SAMD5: variants seen among roughly 807,000 people sequenced by gnomAD.
SAMD5 encodes the protein sterile alpha motif domain-containing protein 5.
In SAMD5, 13 loss-of-function variants were observed where a neutral mutation model predicts 11.3. That is an observed-to-expected ratio of 1.15 (90% CI 0.75 to 1.83). The LOEUF is 1.83. Among genes scored for constraint, SAMD5 ranks in the 40% most tolerant of loss-of-function variants. The pLI is 0.00. For missense variants in SAMD5, 255 were observed against 239.1 expected (o/e 1.07, Z -0.44); for synonymous variants, 129 against 111.3 (o/e 1.16, Z -1.00).
At chr6:147,574,571 C>T (rs1232106267), downstream of SAMD5, among the ~76,000 whole-genome samples, 8 of 152,146 alleles carry the variant, frequency 5.3e-5, no homozygotes, top group African/African-American at 1.9e-4. Flanking sequence ...CTGATTTGTG[C>T]TGCTATAACA....
intron 1 of SAMD5, among the ~76,000 whole-genome samples, chr6:147,591,084 A>G (rs192042614): frequency 1.7e-4 from 26 of 152,214 alleles, no homozygotes; most frequent in African/African-American, 6.0e-4. Context: ...CAATAGACAG[A>G]AAAAATTACT....
chr6:147,796,974 C>T, the SAMD5 span, among the ~76,000 whole-genome samples: 1 of 145,518 alleles, frequency 6.9e-6, no homozygotes, highest in Non-Finnish European at 1.5e-5. Flanking sequence ...TGGGCTGAGA[C>T]AATGGGGTTT....
At chr6:147,826,249 AG>A in the SAMD5 span, among the ~76,000 whole-genome samples, 2 of 152,256 alleles carry the variant, frequency 1.3e-5, no homozygotes, top group Admixed American at 1.3e-4. Flanking sequence ...TATTGAGTTT[AG>A]TAGTCACAAT....
chr6:147,736,701 A>AT (rs1791809248), intron 1 of SAMD5, among the ~76,000 whole-genome samples: 4 of 152,154 alleles, frequency 2.6e-5, no homozygotes, highest in South Asian at 4.1e-4. Flanking sequence ...AAATTTTGAT[A>AT]TTTTGACCAA....
chr6:147,544,777 C>G (rs771621602), intron 1 of SAMD5, among the ~76,000 whole-genome samples: 1 of 151,954 alleles, frequency 6.6e-6, no homozygotes, highest in Non-Finnish European at 1.5e-5. Flanking sequence ...AAATCCTGAG[C>G]GAATAAGAAA....
At chr6:147,888,036 A>G in the SAMD5 span, among the ~76,000 whole-genome samples, 1 of 152,148 alleles carries the variant, frequency 6.6e-6, no homozygotes, top group Non-Finnish European at 1.5e-5. Flanking sequence ...AGAGTTTTTT[A>G]TATAGTCCAG....
At chr6:147,562,758 C>T (rs977434807) in intron 1 of SAMD5, among the ~76,000 whole-genome samples, 6 of 151,910 alleles carry the variant, frequency 3.9e-5, no homozygotes, top group African/African-American at 1.2e-4. Flanking sequence ...GGAGGCGGAG[C>T]TTGCAGTGAG....
At chr6:147,879,517 G>A in the SAMD5 span, among the ~76,000 whole-genome samples, 2 of 152,198 alleles carry the variant, frequency 1.3e-5, no homozygotes, top group African/African-American at 4.8e-5. Context: ...TTTCAAAGGT[G>A]CCAATTACAG....
At chr6:147,861,326 G>A in the SAMD5 span, among the ~76,000 whole-genome samples, 63 of 151,982 alleles carry the variant, frequency 4.1e-4, no homozygotes, top group Non-Finnish European at 7.1e-4. Context: ...CACCCTGCCC[G>A]GCTAATTTTT....
chr6:147,646,226 A>G (rs1029166639), intron 1 of SAMD5, among the ~76,000 whole-genome samples: 18 of 152,142 alleles, frequency 1.2e-4, no homozygotes, highest in Non-Finnish European at 2.2e-4. Flanking sequence ...CTTACTGATA[A>G]CATGAGTAGT....
At position 147,558,006 on chromosome 6, in the gene SAMD5, G is replaced by A. The variant is rs140027609; in HGVS notation, c.460-6388G>A. On this transcript the variant is annotated intron_variant, in intron 1 of 1. Transcript: ENST00000367474. ...TTCACATCACAGTCCCTGGGAGGTA[G>A]GCACAGAGGGAGTTCACTCAGTAAA... Among the ~76,000 whole-genome samples the A allele has an allele frequency of 2.0e-4, 30 of 152,338 alleles. No individual in the cohort carries two copies. The East Asian group carries it at 5.4e-3, about 27-fold the overall frequency.
chr6:147,837,785 G>A, the SAMD5 span, among the ~76,000 whole-genome samples: 1 of 152,128 alleles, frequency 6.6e-6, no homozygotes, highest in Admixed American at 6.5e-5. Flanking sequence ...CCTTGGAGTA[G>A]GGTTTTCTTT....
intron 1 of SAMD5, among the ~76,000 whole-genome samples, chr6:147,686,564 T>C (rs1213628171): frequency 6.6e-6 from 1 of 152,226 alleles, no homozygotes; most frequent in African/African-American, 2.4e-5. Context: ...TACCAGTACA[T>C]GGTATAAGTC....
At chr6:147,752,653 G>T in the SAMD5 span, among the ~76,000 whole-genome samples, 1 of 152,072 alleles carries the variant, frequency 6.6e-6, no homozygotes, top group African/African-American at 2.4e-5. Context: ...CTGCATAATA[G>T]CCTCTAATTA....
chr6:147,940,672 T>C, the SAMD5 span, among the ~76,000 whole-genome samples: 1 of 152,108 alleles, frequency 6.6e-6, no homozygotes, highest in African/African-American at 2.4e-5. Context: ...GGTTCAAAAG[T>C]GTCTGGCAGG....
At chr6:147,781,772 G>GCGCACA in the SAMD5 span, among the ~76,000 whole-genome samples, 6 of 146,270 alleles carry the variant, frequency 4.1e-5, no homozygotes, top group African/African-American at 1.5e-4. Context: ...ATTTGTGTGC[G>GCGCACA]CACACACACA....
intron 1 of SAMD5, among the ~76,000 whole-genome samples, chr6:147,516,117 G>C (rs1788167318): frequency 6.6e-6 from 1 of 152,112 alleles, no homozygotes; most frequent in Non-Finnish European, 1.5e-5. Context: ...AAATAAATTA[G>C]TTACTGTGAA....
chr6:147,949,850 T>C, the SAMD5 span, among the ~76,000 whole-genome samples: 1 of 152,246 alleles, frequency 6.6e-6, no homozygotes, highest in African/African-American at 2.4e-5. Flanking sequence ...TTCATTTTGT[T>C]ATACTGCATT....
intron 1 of SAMD5, among the ~76,000 whole-genome samples, chr6:147,723,468 A>G (rs74783276): frequency 0.027 from 4,040 of 152,266 alleles, 173 homozygotes; most frequent in African/African-American, 0.092. Flanking sequence ...ACATACAAGA[A>G]GCATCTGGGG....
Sources: allele counts gnomAD v4.1 joint callset (sites outside exome capture counted in the v4.1 genomes callset), GRCh38; gene constraint gnomAD v4.1.1; transcripts MANE v1.5; gene names NCBI Gene and HGNC (gene_info 2026-07-23, HGNC 2026-07-21).